The following VPS26A variants were observed in gnomAD, a reference collection of about 807,000 sequenced individuals.
VPS26A encodes VPS26 retromer complex component A.
VPS26A carries 22 observed loss-of-function variants against 42.4 expected under a neutral mutation model. The ratio of observed to expected loss-of-function variants is 0.52; its 90% CI spans 0.37 to 0.74. VPS26A has a LOEUF of 0.74. Ranked by LOEUF, VPS26A falls within the 30% of genes least tolerant of loss-of-function variation. VPS26A has a pLI of 0.00. For synonymous variants in VPS26A, 110 were observed against 123.5 expected (o/e 0.89, Z 0.73); for missense variants, 276 against 379.2 (o/e 0.73, Z 2.26).
At chr10:69,150,591 G>T (rs1314030473) in intron 2 of VPS26A, among the ~76,000 whole-genome samples, 2 of 150,164 alleles carry the variant, frequency 1.3e-5, no homozygotes, top group African/African-American at 4.9e-5. Context: ...TAGAGACGGG[G>T]TTTCACCATG....
At chr10:69,145,652 CAG>C (rs977301312) in intron 2 of VPS26A, among the ~76,000 whole-genome samples, 1 of 152,062 alleles carries the variant, frequency 6.6e-6, no homozygotes, top group Non-Finnish European at 1.5e-5. Context: ...TGTCATAAAT[CAG>C]AGGTTGTGTG....
chr10:69,138,753 T>G (rs1252851070), intron 2 of VPS26A, among the ~76,000 whole-genome samples: 2 of 152,236 alleles, frequency 1.3e-5, no homozygotes, highest in African/African-American at 4.8e-5. Context: ...TAACCTCTTA[T>G]GTTACATGTA....
In VPS26A at chr10:69,127,727, C is replaced by CTTTTT. The variant is rs572346560; in HGVS notation, c.3+3467_3+3471dup. On this transcript the variant is annotated intron_variant, in intron 1 of 8. Transcript: ENST00000263559. ...GTGTTTTGATTGTATTTAAAAATAT[C>CTTTTT]TTTTTTTTTTTTTTTTTTTTTTTTG... is the stretch of plus-strand genomic sequence containing the variant. Among the ~76,000 whole-genome samples, 83 of 85,064 alleles carry CTTTTT rather than the reference C, an allele frequency of 9.8e-4. 2 individuals are homozygous for CTTTTT. The highest frequency in any genetic ancestry group is 3.8e-3 in the African/African-American group (80 of 20,902). The allele number at this position is 85,064 out of a possible 152,430, so 55.8% of individuals were successfully genotyped here.
chr10:69,153,239 G>A (rs1397144053), intron 2 of VPS26A, among the ~76,000 whole-genome samples: 4 of 151,778 alleles, frequency 2.6e-5, no homozygotes, highest in African/African-American at 9.7e-5. Flanking sequence ...TAGTAGAGAC[G>A]AGGTTTCACC....
chr10:69,155,758 A>G (rs1349374544), intron 2 of VPS26A, 54 bp from the exon 3 acceptor site: 11 of 1,358,280 alleles, frequency 8.1e-6, no homozygotes, highest in Non-Finnish European at 1.1e-5. Context: ...GGAAGCTACT[A>G]GTAGGCCCAC....
chr10:69,157,742 C>G (rs1171179722), intron 4 of VPS26A, among the ~76,000 whole-genome samples: 1 of 152,182 alleles, frequency 6.6e-6, no homozygotes, highest in Non-Finnish European at 1.5e-5. Flanking sequence ...TTTGACAACC[C>G]AAATTTCAAA....
intron 4 of VPS26A, among the ~76,000 whole-genome samples, chr10:69,157,777 T>C (rs561699390): frequency 6.6e-6 from 1 of 152,366 alleles, no homozygotes; most frequent in South Asian, 2.1e-4. Flanking sequence ...AGAAGTGATC[T>C]GGAGAGGTTT....
At chr10:69,132,639 CATCATA>C (rs1417780595) in intron 1 of VPS26A, among the ~76,000 whole-genome samples, 5 of 152,010 alleles carry the variant, frequency 3.3e-5, no homozygotes, top group Non-Finnish European at 7.4e-5. Flanking sequence ...GACAGGGTTT[CATCATA>C]TTGGTCAGGC....
intron 2 of VPS26A, chr10:69,133,470 T>G: frequency 2.0e-6 from 2 of 988,598 alleles, no homozygotes; most frequent in Non-Finnish European, 2.7e-6. Context: ...AAGGTTTTTT[T>G]ACATTCTTTG....
intron 1 of VPS26A, among the ~76,000 whole-genome samples, chr10:69,129,246 A>T (rs746324229): frequency 6.6e-6 from 1 of 152,158 alleles, no homozygotes; most frequent in Non-Finnish European, 1.5e-5. Flanking sequence ...CTGCTAGCTC[A>T]GCACATATTC....
At position 69,124,281 on chromosome 10, in the gene VPS26A, G is replaced by A. The variant is rs1212823515; in HGVS notation, c.3+1G>A. The A allele has an allele frequency of 5.5e-6, 7 of 1,271,028 alleles. No individual in the cohort carries two copies. The allele number at this position is 1,271,028 out of a possible 1,614,324, so 78.7% of individuals were successfully genotyped here. On this transcript the variant is annotated splice_donor_variant, in intron 1 of 8. Transcript: ENST00000263559. LOFTEE classifies it high-confidence loss of function. ...GGACGCGGCGGCGGCGTTGACAATG[G>A]TGAGTGCGCGGCGGCCAGCGCGCTC...
At chr10:69,142,028 C>T (rs1410664912) in intron 2 of VPS26A, among the ~76,000 whole-genome samples, 11 of 151,892 alleles carry the variant, frequency 7.2e-5, no homozygotes, top group African/African-American at 2.7e-4. Flanking sequence ...GGATTACAGG[C>T]GCATGCCACC....
At chr10:69,131,517 G>A (rs750232703) in intron 1 of VPS26A, among the ~76,000 whole-genome samples, 3 of 152,130 alleles carry the variant, frequency 2.0e-5, no homozygotes, top group African/African-American at 4.8e-5. Context: ...AGTGGATCAC[G>A]AGGTCAGGAG....
chr10:69,155,822 C>T lies in VPS26A; in HGVS notation c.164C>T (p.Ala55Val), dbSNP rs377072735. The change falls in exon 3 of 9, where the codon GCC becomes GTC. Residue 55 changes from alanine (A) to valine (V), a missense_variant. By Grantham distance (64) the Ala-to-Val change is moderately conservative. Coordinates refer to ENST00000263559, the MANE Select transcript of VPS26A (RefSeq NM_004896.5). ...TTCATGTTTTGGCAGGTAAACCTAG[C>T]CTTTAAGCAACCTGGAAAGAGGCTA... Reference protein sequence around the residue: ...GESVSGKVNLAFKQPGKRLEH... With the variant: ...GESVSGKVNLVFKQPGKRLEH... The T allele has an allele frequency of 3.1e-6, 5 of 1,611,586 alleles. No homozygotes were observed. The African/African-American group carries it at 6.7e-5, about 22-fold the overall frequency.
intron 2 of VPS26A, among the ~76,000 whole-genome samples, chr10:69,142,276 C>G (rs1841062309): frequency 6.7e-6 from 1 of 149,528 alleles, no homozygotes; most frequent in African/African-American, 2.5e-5. Flanking sequence ...CCTCATCCCC[C>G]TGGGGGCCCA....
At chr10:69,166,981 G>T (rs1841701333) in intron 7 of VPS26A, among the ~76,000 whole-genome samples, 1 of 151,890 alleles carries the variant, frequency 6.6e-6, no homozygotes, top group African/African-American at 2.4e-5. Flanking sequence ...ATAAAAATTA[G>T]CTGGGTATGG....
chr10:69,167,742 C>CAAAAAAAAAAAAAA (rs35974356), intron 7 of VPS26A, among the ~76,000 whole-genome samples: 2 of 66,324 alleles, frequency 3.0e-5, no homozygotes, highest in East Asian at 4.2e-4. Context: ...GACTCCATCT[C>CAAAAAAAAAAAAAA]AAAAAAAAAA....
At chr10:69,161,722 A>G in intron 5 of VPS26A, 1 of 396,224 alleles carries the variant, frequency 2.5e-6, no homozygotes, top group Non-Finnish European at 5.0e-6. Context: ...CACCAACTTA[A>G]CATACATGGG....
chr10:69,150,466 G>A (rs1458858263), intron 2 of VPS26A, among the ~76,000 whole-genome samples: 4 of 151,986 alleles, frequency 2.6e-5, no homozygotes, highest in Admixed American at 1.3e-4. Flanking sequence ...GCACGATCTC[G>A]GCTCACTGCA....
Sources: allele counts gnomAD v4.1 joint callset (sites outside exome capture counted in the v4.1 genomes callset), GRCh38; gene constraint gnomAD v4.1.1; transcripts MANE v1.5; gene names NCBI Gene and HGNC (gene_info 2026-07-23, HGNC 2026-07-21).